ANK3: variants seen among roughly 807,000 people sequenced by gnomAD.
ANK3 encodes ankyrin 3.
ANK3 carries 57 observed loss-of-function variants against 370.9 expected under a neutral mutation model. That is an observed-to-expected ratio of 0.15 (90% CI 0.12 to 0.19). ANK3 has a LOEUF of 0.19. Among genes scored for constraint, ANK3 ranks in the 10% least tolerant of loss-of-function variants. ANK3 has a pLI of 1.00. For synonymous variants in ANK3, 1,929 were observed against 1,946.3 expected (o/e 0.99, Z 0.23); for missense variants, 4,439 against 5,302.1 (o/e 0.84, Z 5.06).
At chr10:60,342,116 G>C (rs1312246304) in intron 1 of ANK3, among the ~76,000 whole-genome samples, 2 of 152,080 alleles carry the variant, frequency 1.3e-5, no homozygotes, top group Non-Finnish European at 2.9e-5. Flanking sequence ...TGCTTGCCTA[G>C]ACTTTGCAGT....
intron 16 of ANK3, among the ~76,000 whole-genome samples, chr10:60,188,021 T>C (rs1409205709): frequency 6.6e-6 from 1 of 152,222 alleles, no homozygotes; most frequent in Non-Finnish European, 1.5e-5. Flanking sequence ...AGTGGCACTC[T>C]TTTGTTTATT....
intron 2 of ANK3, among the ~76,000 whole-genome samples, chr10:60,495,126 G>A (rs1023010265): frequency 6.6e-6 from 1 of 152,288 alleles, no homozygotes; most frequent in East Asian, 1.9e-4. Context: ...AAAAAGTTCA[G>A]GTCAACAGCA....
At chr10:60,454,512 G>A (rs1488230851) in intron 2 of ANK3, among the ~76,000 whole-genome samples, 5 of 152,094 alleles carry the variant, frequency 3.3e-5, no homozygotes, top group African/African-American at 4.8e-5. Context: ...GACAGGAAGA[G>A]CACTTCCTTT....
At chr10:60,106,126 T>G in intron 27 of ANK3, 67 bp from the exon 28 acceptor site, 1 of 1,404,374 alleles carries the variant, frequency 7.1e-7, no homozygotes, top group East Asian at 2.7e-5. Flanking sequence ...ACTTAAAAAA[T>G]GTTTCGTTAA....
intron 1 of ANK3, among the ~76,000 whole-genome samples, chr10:60,678,087 A>G (rs943628003): frequency 3.3e-5 from 5 of 152,362 alleles, no homozygotes; most frequent in Admixed American, 3.3e-4. Context: ...ACTGAGAACA[A>G]GGCACGGTAA....
chr10:60,329,284 G>A (rs1456609296), intron 1 of ANK3, among the ~76,000 whole-genome samples: 1 of 152,060 alleles, frequency 6.6e-6, no homozygotes, highest in East Asian at 1.9e-4. Context: ...GTCTGGCCAG[G>A]GCAATCAGGC....
chr10:60,507,847 T>G (rs2075980690), intron 2 of ANK3: 1 of 152,098 alleles, frequency 6.6e-6, no homozygotes, highest in Admixed American at 6.6e-5. Context: ...GACAATGTAT[T>G]TTTCCAATAG....
chr10:60,404,673 T>C (rs1003063060), intron 2 of ANK3, among the ~76,000 whole-genome samples: 83 of 152,242 alleles, frequency 5.5e-4, no homozygotes, highest in African/African-American at 2.0e-3. Context: ...CAAACATTTC[T>C]TAATACAGTA....
intron 2 of ANK3, among the ~76,000 whole-genome samples, chr10:60,606,686 C>T (rs2078133215): frequency 1.3e-5 from 2 of 152,154 alleles, no homozygotes; most frequent in Non-Finnish European, 2.9e-5. Flanking sequence ...CAGTCTTTAT[C>T]AGGGAGCATG....
At chr10:60,140,464 C>A in intron 23 of ANK3, 1 of 1,607,020 alleles carries the variant, frequency 6.2e-7, no homozygotes, top group Non-Finnish European at 8.5e-7. Context: ...TCAAGGAAAC[C>A]AATCCCTGGT....
intron 2 of ANK3, among the ~76,000 whole-genome samples, chr10:60,532,741 C>T (rs926178585): frequency 6.6e-6 from 1 of 152,004 alleles, no homozygotes; most frequent in Non-Finnish European, 1.5e-5. Flanking sequence ...ATGCTATAGG[C>T]CCTTTTCAAG....
chr10:60,240,306 A>ATATATATATATATTT lies in ANK3; in HGVS notation c.799-5521_799-5520insAAATATATATATATA, dbSNP rs11282162. On this transcript the variant is annotated intron_variant, in intron 7 of 43. Transcript: ENST00000280772. Reference sequence around the variant, plus strand: ...CATATATATATATATATATATATATATTTTTTTTTCTTTTTGAGATAGAGT... The same window carrying ATATATATATATATTT: ...CATATATATATATATATATATATATATATATATATATATTTTTTTTTTTTCTTTTTGAGATAGAGT... Among the ~76,000 whole-genome samples the ATATATATATATATTT allele has an allele frequency of 5.8e-5, 7 of 119,750 alleles. No homozygotes were observed. In the South Asian group the frequency reaches 1.8e-3, roughly 31 times the overall value. 78.6% of individuals were successfully genotyped at this position (119,750 alleles called of 152,430 possible).
intron 2 of ANK3, among the ~76,000 whole-genome samples, chr10:60,446,750 G>T (rs1013530036): frequency 6.6e-6 from 1 of 152,132 alleles, no homozygotes; most frequent in African/African-American, 2.4e-5. Flanking sequence ...CTGTGCGAAA[G>T]AGGCTAGGAT....
At chr10:60,355,744 GC>G (rs2057633784) in intron 1 of ANK3, among the ~76,000 whole-genome samples, 1 of 152,048 alleles carries the variant, frequency 6.6e-6, no homozygotes, top group African/African-American at 2.4e-5. Flanking sequence ...CTCCCTCCAG[GC>G]TCCTTTTCTT....
rs769958418 is a variant in ANK3, at chr10:60,172,385, C to T, written c.2401G>A (p.Gly801Ser). The change falls in exon 21 of 44, where the codon GGC (glycine) becomes AGC (serine). Residue 801 changes from glycine to serine, a missense_variant. Gly to Ser is a moderately conservative substitution (Grantham distance 56). Around this residue, in one of 13 missense-constraint regions of ANK3, gnomAD observed 702 missense variants for 941.5 expected, o/e 0.75. Transcript: ENST00000280772. ...ELTVNGNTAL[G>S]IARRLGYISV... is the part of the protein sequence containing the mutation. Reference sequence around the variant, plus strand: ...ATGTAGCCGAGGCGCCGGGCAATGCCAAGGGCAGTATTCCCATTCTGGCAA... The same window carrying T: ...ATGTAGCCGAGGCGCCGGGCAATGCTAAGGGCAGTATTCCCATTCTGGCAA... The T allele has an allele frequency of 1.3e-5, 21 of 1,613,932 alleles. No individual in the cohort carries two copies. The South Asian group carries it at 2.0e-4, about 15-fold the overall frequency.
intron 12 of ANK3, 75 bp from the exon 13 acceptor site, chr10:60,200,302 A>C (rs2096652419): frequency 8.5e-7 from 1 of 1,170,226 alleles, no homozygotes; most frequent in Non-Finnish European, 1.3e-6. Context: ...CATAAAGCTT[A>C]TGATGGACTT....
At chr10:60,684,344 C>T (rs1256259301) in intron 1 of ANK3, among the ~76,000 whole-genome samples, 1 of 152,120 alleles carries the variant, frequency 6.6e-6, no homozygotes, top group African/African-American at 2.4e-5. Context: ...CTGGTGCCAG[C>T]GAACAGGTAT....
intron 28 of ANK3, among the ~76,000 whole-genome samples, chr10:60,096,279 A>G (rs542714688): frequency 4.6e-5 from 7 of 152,326 alleles, no homozygotes; most frequent in African/African-American, 1.7e-4. Context: ...GAACAGTGCC[A>G]ATATTCTTTC....
At chr10:60,265,035 T>C (rs2097857489) in intron 5 of ANK3, among the ~76,000 whole-genome samples, 1 of 152,170 alleles carries the variant, frequency 6.6e-6, no homozygotes, top group Admixed American at 6.5e-5. Flanking sequence ...AGTGATATTA[T>C]GACTTATGAA....
Sources: gnomAD v4.1 joint callset for allele counts (sites outside exome capture counted in the v4.1 genomes callset) on GRCh38, gnomAD v4.1.1 for gene constraint, gnomAD v4.1.1 regional missense constraint, MANE v1.5 for transcripts, NCBI Gene and HGNC (gene_info 2026-07-23, HGNC 2026-07-21) for gene names.